Variants in PRR12 observed in about 807,000 individuals in gnomAD.
PRR12 encodes proline-rich protein 12.
In PRR12, 12 loss-of-function variants were observed where a neutral mutation model predicts 138.0. That is an observed-to-expected ratio of 0.09 (90% CI 0.06 to 0.14). The LOEUF (loss-of-function observed/expected upper bound fraction) is 0.14. PRR12 is among the 10% of genes least tolerant of loss of function. The pLI, the probability that PRR12 is intolerant of heterozygous loss-of-function variation, is 1.00. For synonymous variants in PRR12, 1,567 were observed against 1,291.7 expected, an observed-to-expected ratio of 1.21 and a Z score of -4.57; for missense variants, 2,692 against 2,861.3, an observed-to-expected ratio of 0.94 and a Z score of 1.35.
rs1238746600 is a variant in PRR12, at chr19:49,620,337, C to T, written c.5498-15C>T. On this transcript the variant is annotated splice_polypyrimidine_tract_variant and intron_variant, in intron 9 of 13. Transcript: ENST00000418929. ...GAAATTGGGATAACGAGCCTGCGTC[C>T]TGTCTTTTCTGCAGAGCGGGCAGTA... is the stretch of plus-strand genomic sequence containing the variant. 3.1e-6 allele frequency: 5 copies of T among 1,612,854 alleles called. No individual in the cohort carries two copies. The Admixed American group carries it at 6.7e-5, about 22-fold the overall frequency.
In PRR12 at chr19:49,595,967, T is replaced by C. The variant is rs1211691708; in HGVS notation, c.1632T>C (p.His544=). 9 of 1,600,342 alleles carry C rather than the reference T, an allele frequency of 5.6e-6. No individual in the cohort carries two copies. The highest frequency in any genetic ancestry group is 6.8e-6 in the Non-Finnish European group (8 of 1,179,608). The change falls in exon 4 of 14, where the codon CAT becomes CAC. Residue 544 remains histidine, a synonymous_variant. Coordinates refer to ENST00000418929, the MANE Select transcript of PRR12 (RefSeq NM_020719.3). ...STGHSPALSG[H]GGGWGPSSLG... The stretch of plus-strand genomic sequence containing the variant: ...GCCATTCCCCAGCGCTCTCGGGCCA[T>C]GGGGGTGGCTGGGGACCCAGCTCCC...
At position 49,594,205 on chromosome 19, in the gene PRR12, C is replaced by T. The variant is rs1315370593; in HGVS notation, c.200-249C>T. 6.6e-6 allele frequency among the ~76,000 whole-genome samples: 1 copy of T among 152,196 alleles called. No homozygotes were observed. Among genetic ancestry groups the T allele is most frequent in the Non-Finnish European group, 1.5e-5 (1 of 68,032 alleles). On this transcript the variant is annotated intron_variant, in intron 2 of 13. Coordinates refer to ENST00000418929, the MANE Select transcript of PRR12 (RefSeq NM_020719.3). This position sits in a 1 kb window ranked among gnomAD's most constrained non-coding sequence, Gnocchi z 5.6. ...TTTTCTACACTTTTGTCTACCATTTCCTACCTGGGCCCCCTGTCCTTATGA... is the reference window on the plus strand; with the variant it reads ...TTTTCTACACTTTTGTCTACCATTTTCTACCTGGGCCCCCTGTCCTTATGA...
chr19:49,621,362 A>ACTCCTGGGTCTGAGGGAGGAGGGG (rs2080922540), intron 10 of PRR12, among the ~76,000 whole-genome samples, 163 bp from the exon 11 acceptor site: 2 of 19,682 alleles, frequency 1.0e-4, no homozygotes, highest in Non-Finnish European at 1.1e-4. Context: ...GGGAGGAGGG[A>ACTCCTGGGTCTGAGGGAGGAGGGG]GCTGGGGCCT....
rs932869921 is a variant in PRR12 at position 49,598,144 on chromosome 19, G to C, written c.3678+131G>C. The C allele has an allele frequency of 3.8e-6, 4 of 1,050,958 alleles. No homozygotes were observed. The African/African-American group carries it at 5.0e-5, about 13-fold the overall frequency. 65.1% of individuals were successfully genotyped at this position (1,050,958 alleles called of 1,614,324 possible). A position where few individuals can be genotyped will look rare whatever the true frequency, so the allele number is the denominator to read the frequency against. On this transcript the variant is annotated intron_variant, in intron 4 of 13. Transcript: ENST00000418929. Reference sequence around the variant, plus strand: ...GCTGGAGTGCAGTGGCACGATCTCGGTTCACTGCAAGCTCCGCCTCCCGGG... The same window carrying C: ...GCTGGAGTGCAGTGGCACGATCTCGCTTCACTGCAAGCTCCGCCTCCCGGG...
Position 49,594,468 on chromosome 19 carries a change from T to C in PRR12, c.214T>C (p.Phe72Leu). 1 of 1,608,330 alleles carries C rather than the reference T, an allele frequency of 6.2e-7. No homozygotes were observed. Among genetic ancestry groups the C allele is most frequent in the Non-Finnish European group, 8.5e-7 (1 of 1,177,652 alleles). ...TCCCCGGCCAGGCCTCTCTGGACTC[T>C]TCGACACTGGCCTCCACCACGCGGG... ...NHHPAGLSGL[F>L]DTGLHHAGSA... Residue 72 changes from phenylalanine (F) to leucine (L), a missense_variant, in exon 3 of 14, where the codon TTC (phenylalanine) becomes CTC (leucine). Physicochemically the swap from Phe to Leu is conservative, Grantham distance 22 (BLOSUM62 0). This residue lies in a region of PRR12 where 211 missense variants were observed against 266.3 expected (regional missense o/e 0.79). Coordinates refer to ENST00000418929, the MANE Select transcript of PRR12 (RefSeq NM_020719.3). The surrounding 1 kb of genome is among the most constrained non-coding windows in gnomAD (Gnocchi z 5.6).
At chr19:49,605,680 C>T (rs946166206) in intron 6 of PRR12, among the ~76,000 whole-genome samples, 1 of 152,266 alleles carries the variant, frequency 6.6e-6, no homozygotes, top group Non-Finnish European at 1.5e-5. Flanking sequence ...TGACCATCCC[C>T]ATTTTACAGA....
chr19:49,602,541 T>C (rs1270385232), intron 6 of PRR12, among the ~76,000 whole-genome samples: 3 of 152,186 alleles, frequency 2.0e-5, no homozygotes, highest in Admixed American at 1.3e-4. Context: ...GAATGGTTAT[T>C]GTGTGTCAGG....
Position 49,616,253 on chromosome 19 carries a change from TG to T in PRR12, c.5497+37del. On this transcript the variant is annotated intron_variant, in intron 9 of 13. Transcript: ENST00000418929. The surrounding 1 kb of genome is among the most constrained non-coding windows in gnomAD (Gnocchi z 4.2). ...CTAGGCAGCCTCAGGGCTGCAGGGG[TG>T]GGTGGGGAAGGGACACAGGTGAGGG... 1 of 1,472,040 alleles carries T rather than the reference TG, an allele frequency of 6.8e-7. No homozygotes were observed. Among genetic ancestry groups the T allele is most frequent in the Non-Finnish European group, 9.0e-7 (1 of 1,106,602 alleles). 91.2% of individuals were successfully genotyped at this position (1,472,040 alleles called of 1,614,324 possible).
In PRR12 at chr19:49,601,793, A is replaced by G. The variant is rs763540555; in HGVS notation, c.4648A>G (p.Lys1550Glu). Residue 1550 changes from lysine (K) to glutamate (E), a missense_variant, in exon 6 of 14, where the codon AAA (lysine) becomes GAA (glutamate). By Grantham distance (56) the Lys-to-Glu change is moderately conservative. Transcript: ENST00000418929. ...LPDTRPLHLAKKQETAAVCGE... is the reference protein window; with the variant it reads ...LPDTRPLHLAEKQETAAVCGE... ...GGACACCCGGCCCCTGCATCTGGCC[A>G]AAAAGCAGGAGACGGCGGCAGTGTG... 6.2e-7 allele frequency: 1 copy of G among 1,610,312 alleles called. No individual in the cohort carries two copies. The highest frequency in any genetic ancestry group is 8.5e-7 in the Non-Finnish European group (1 of 1,179,240).
chr19:49,607,378 C>CAA (rs1425332486), intron 6 of PRR12, among the ~76,000 whole-genome samples: 1 of 151,796 alleles, frequency 6.6e-6, no homozygotes, highest in African/African-American at 2.4e-5. Context: ...CACACACACA[C>CAA]ACAGAGTTTC....
intron 8 of PRR12, 46 bp downstream of exon 8, chr19:49,615,055 C>G (rs1209337078): frequency 6.2e-7 from 1 of 1,610,032 alleles, no homozygotes; most frequent in Non-Finnish European, 8.5e-7. Context: ...GTAGCGCCGA[C>G]AGGCATGGGG....
Position 49,615,910 on chromosome 19 carries a change from G to A in PRR12, c.5188G>A (p.Glu1730Lys), listed in dbSNP as rs774390630. Reference sequence around the variant, plus strand: ...GGCCATGCCTGAGCCCCCTGCCCCCGAGAAGCCCTCCCTCCTGCGGCCTGT... The same window carrying A: ...GGCCATGCCTGAGCCCCCTGCCCCCAAGAAGCCCTCCCTCCTGCGGCCTGT... ...ETAMPEPPAP[E>K]KPSLLRPVEK... The change falls in exon 9 of 14, where the codon GAG (glutamate) becomes AAG (lysine). Residue 1730 changes from glutamate to lysine, a missense_variant. By Grantham distance (56) the Glu-to-Lys change is moderately conservative (BLOSUM62 1). Coordinates refer to ENST00000418929, the MANE Select transcript of PRR12 (RefSeq NM_020719.3). The A allele has an allele frequency of 3.9e-5, 61 of 1,563,266 alleles. No homozygotes were observed. The highest frequency in any genetic ancestry group is 1.7e-4 in the Middle Eastern group (1 of 6,028).
At chr19:49,603,283 C>T (rs1163100655) in intron 6 of PRR12, among the ~76,000 whole-genome samples, 1 of 152,128 alleles carries the variant, frequency 6.6e-6, no homozygotes, top group African/African-American at 2.4e-5. Context: ...GAGGTCAGCC[C>T]ATTCTCACCC....
chr19:49,596,607 G>A lies in PRR12; in HGVS notation c.2272G>A (p.Ala758Thr). Residue 758 changes from alanine to threonine, a missense_variant, in exon 4 of 14, where the codon GCC becomes ACC. Transcript: ENST00000418929. This position sits in a 1 kb window ranked among gnomAD's most constrained non-coding sequence, Gnocchi z 5.6. ...HYGAGAKELG[A>T]FLQKSPPPPP... ...CGGGGCAGGCGCCAAGGAGCTGGGG[G>A]CCTTCTTGCAAAAGAGCCCTCCGCC... The A allele has an allele frequency of 6.3e-7, 1 of 1,593,704 alleles. No individual in the cohort carries two copies. The highest frequency in any genetic ancestry group is 1.1e-5 in the South Asian group (1 of 88,820).
Position 49,597,316 on chromosome 19 carries a change from G to T in PRR12, c.2981G>T (p.Cys994Phe). ...PPAYDPYGPY[C>F]PGRASGAGPE... Reference sequence around the variant, plus strand: ...GCTTATGATCCCTATGGGCCCTACTGTCCTGGCCGGGCGTCGGGAGCCGGG... The same window carrying T: ...GCTTATGATCCCTATGGGCCCTACTTTCCTGGCCGGGCGTCGGGAGCCGGG... Residue 994 changes from cysteine (C) to phenylalanine (F), a missense_variant, in exon 4 of 14, where the codon TGT (cysteine) becomes TTT (phenylalanine). Around this residue, in one of 11 missense-constraint regions of PRR12, gnomAD observed 840 missense variants for 689.8 expected, o/e 1.22. Coordinates refer to ENST00000418929, the MANE Select transcript of PRR12 (RefSeq NM_020719.3). The surrounding 1 kb of genome is among the most constrained non-coding windows in gnomAD (Gnocchi z 6.3). The T allele has an allele frequency of 6.4e-7, 1 of 1,552,182 alleles. No individual in the cohort carries two copies.
In PRR12 at chr19:49,622,869, G is replaced by A. The variant is rs59045652; in HGVS notation, c.5721+1247G>A. Among the ~76,000 whole-genome samples the A allele has an allele frequency of 3.6e-3, 509 of 141,706 alleles. 5 individuals carry two copies. Among genetic ancestry groups the A allele is most frequent in the African/African-American group, 0.013 (478 of 35,938 alleles). 93.0% of individuals were successfully genotyped at this position (141,706 alleles called of 152,430 possible). A position where few individuals can be genotyped will look rare whatever the true frequency, so the allele number is the denominator to read the frequency against. ...ATCGTGCCACTGCACTCCAGCCTGGGCGACAGAGCGAGACTCTGTCTCAAA... is the reference window on the plus strand; with the variant it reads ...ATCGTGCCACTGCACTCCAGCCTGGACGACAGAGCGAGACTCTGTCTCAAA... On this transcript the variant is annotated intron_variant, in intron 11 of 13. Coordinates refer to ENST00000418929, the MANE Select transcript of PRR12 (RefSeq NM_020719.3).
rs759110944 is a variant in PRR12 at position 49,597,352 on chromosome 19, C to A, written c.3017C>A (p.Pro1006Gln). ...GRASGAGPET[P>Q]GLGLDPNKPP... ...GCGTCGGGAGCCGGGCCCGAGACAC[C>A]GGGCCTGGGCCTGGACCCCAACAAA... is the stretch of plus-strand genomic sequence containing the variant. Residue 1006 changes from proline to glutamine, a missense_variant, in exon 4 of 14, where the codon CCG becomes CAG. This residue lies in a region of PRR12 where 840 missense variants were observed against 689.8 expected (regional missense o/e 1.22). Transcript: ENST00000418929. This position sits in a 1 kb window ranked among gnomAD's most constrained non-coding sequence, Gnocchi z 6.3. 3 of 1,539,600 alleles carry A rather than the reference C, an allele frequency of 1.9e-6. No homozygotes were observed. Among genetic ancestry groups the A allele is most frequent in the Non-Finnish European group, 2.6e-6 (3 of 1,147,094 alleles).
intron 4 of PRR12, among the ~76,000 whole-genome samples, chr19:49,598,372 CCTCCCGA>C (rs1172263776): frequency 6.6e-6 from 1 of 152,108 alleles, no homozygotes; most frequent in East Asian, 1.9e-4. Context: ...CCGCGCCCGG[CCTCCCGA>C]TGTTTTGAGT....
Position 49,595,274 on chromosome 19 carries a change from T to C in PRR12, c.939T>C (p.Tyr313=). ...PPPPAHALQH[Y]LSCGGSYPSM... ...CACCAGCCCATGCGCTCCAGCACTATCTGAGCTGTGGAGGCAGCTACCCCT... is the reference window on the plus strand; with the variant it reads ...CACCAGCCCATGCGCTCCAGCACTACCTGAGCTGTGGAGGCAGCTACCCCT... The change falls in exon 4 of 14, where the codon TAT becomes TAC. Residue 313 remains tyrosine (Y), a synonymous_variant. Transcript: ENST00000418929. 1.3e-6 allele frequency: 2 copies of C among 1,545,368 alleles called. No individual in the cohort carries two copies. The highest frequency in any genetic ancestry group is 8.7e-7 in the Non-Finnish European group (1 of 1,146,450).
Sources: allele counts gnomAD v4.1 joint callset (sites outside exome capture counted in the v4.1 genomes callset), GRCh38; gene constraint gnomAD v4.1.1; regional missense constraint gnomAD v4.1.1; non-coding constraint Gnocchi (gnomAD v3.1); transcripts MANE v1.5; gene names NCBI Gene and HGNC (gene_info 2026-07-23, HGNC 2026-07-21).